FAM135A: variants seen among roughly 807,000 people sequenced by gnomAD.
The protein encoded by FAM135A is protein FAM135A.
A neutral mutation model predicts 146.8 loss-of-function variants in FAM135A; 79 were observed. The observed-to-expected ratio is 0.54, with a 90% CI of 0.45 to 0.65. The LOEUF is 0.65. Among genes scored for constraint, FAM135A ranks in the 30% least tolerant of loss-of-function variants. The probability of loss-of-function intolerance (pLI) is 0.00; values close to 1 mark genes in which losing one functional copy is unlikely to be tolerated. For missense variants in FAM135A, 1,623 were observed against 1,758.2 expected, an observed-to-expected ratio of 0.92 and a Z score of 1.38; for synonymous variants, 562 against 603.6, an observed-to-expected ratio of 0.93 and a Z score of 1.01.
rs547473640 is a variant in FAM135A at position 70,468,377 on chromosome 6, T to G, written c.158-7033T>G. Among the ~76,000 whole-genome samples, 58 of 152,312 alleles carry G rather than the reference T, an allele frequency of 3.8e-4. No homozygotes were observed. In the South Asian group the frequency reaches 0.011, roughly 28 times the overall value. ...TGGACAGTGCAAAAGTTACATAGGTTTTCTTATAGCTACCCTTATAAAAGA... is the reference window on the plus strand; with the variant it reads ...TGGACAGTGCAAAAGTTACATAGGTGTTCTTATAGCTACCCTTATAAAAGA... On this transcript the variant is annotated intron_variant, in intron 5 of 21. Coordinates refer to ENST00000418814, the MANE Select transcript of FAM135A (RefSeq NM_001162529.3).
At chr6:70,424,330 G>A (rs749240244) in intron 2 of FAM135A, among the ~76,000 whole-genome samples, 2 of 152,162 alleles carry the variant, frequency 1.3e-5, no homozygotes, top group Admixed American at 6.6e-5. Context: ...ATACTATTCC[G>A]TCAGAAACAT....
At chr6:70,492,812 A>G (rs910666197) in intron 11 of FAM135A, among the ~76,000 whole-genome samples, 6 of 152,054 alleles carry the variant, frequency 3.9e-5, no homozygotes, top group Admixed American at 6.5e-5. Context: ...TTGCAAGAAT[A>G]AAAGTGACTA....
chr6:70,514,656 A>G (rs938612086), intron 12 of FAM135A, among the ~76,000 whole-genome samples: 4 of 152,186 alleles, frequency 2.6e-5, no homozygotes, highest in African/African-American at 9.6e-5. Context: ...ACAAAAACCC[A>G]TGAACAGAAA....
At chr6:70,447,917 A>G (rs1337892265) in intron 4 of FAM135A, among the ~76,000 whole-genome samples, 2 of 152,182 alleles carry the variant, frequency 1.3e-5, no homozygotes, top group Admixed American at 6.5e-5. Flanking sequence ...GAGTAGCCTT[A>G]TGCAGATTAC....
intron 4 of FAM135A, among the ~76,000 whole-genome samples, chr6:70,431,991 GT>G (rs1771766810): frequency 6.6e-6 from 1 of 151,922 alleles, no homozygotes; most frequent in Admixed American, 6.6e-5. Flanking sequence ...GTAAAACAGT[GT>G]TACTCTTTAG....
intron 20 of FAM135A, among the ~76,000 whole-genome samples, chr6:70,550,234 T>TC (rs1295892293): frequency 6.6e-6 from 1 of 152,208 alleles, no homozygotes; most frequent in African/African-American, 2.4e-5. Context: ...CTCCCATGAA[T>TC]CATGAATGTT....
intron 9 of FAM135A, 32 bp from the exon 10 acceptor site, chr6:70,481,969 C>A (rs1282567692): frequency 6.4e-7 from 1 of 1,574,006 alleles, no homozygotes; most frequent in East Asian, 2.3e-5. Context: ...GTATTACTGA[C>A]ACTCTGTATC....
At chr6:70,438,582 GT>G (rs1209427087) in intron 4 of FAM135A, among the ~76,000 whole-genome samples, 1 of 152,144 alleles carries the variant, frequency 6.6e-6, no homozygotes, top group Admixed American at 6.5e-5. Context: ...CACAGTGCTT[GT>G]TTCAGGTAAC....
At chr6:70,501,208 A>G (rs1429292555) in intron 11 of FAM135A, among the ~76,000 whole-genome samples, 1 of 152,120 alleles carries the variant, frequency 6.6e-6, no homozygotes, top group Non-Finnish European at 1.5e-5. Flanking sequence ...GTGAGGAGGA[A>G]TCTAGAGAAG....
chr6:70,418,248 A>G (rs1319987468), intron 2 of FAM135A: 1 of 152,228 alleles, frequency 6.6e-6, no homozygotes, highest in Non-Finnish European at 1.5e-5. Flanking sequence ...ATTGTAGGGC[A>G]AAAGAAGGTC....
At chr6:70,528,258 C>A (rs41265355) in intron 15 of FAM135A, 34 bp from the exon 16 acceptor site, 193 of 1,566,626 alleles carry the variant, frequency 1.2e-4, no homozygotes, top group Non-Finnish European at 1.6e-4. Context: ...GAATATGATC[C>A]TTAGTAAAGA....
intron 2 of FAM135A, among the ~76,000 whole-genome samples, chr6:70,422,469 G>A (rs7759464): frequency 0.2 from 30,624 of 151,956 alleles, 3,371 homozygotes; most frequent in African/African-American, 0.29. Context: ...AAACAGATTT[G>A]TCAGCATCAT....
rs577948148 is a variant in FAM135A, at chr6:70,426,091, C to CA, written c.-133-347dup. ...GCAGTCCGCAGTCTGGCCTGGGCGA[C>CA]AGAGCGAGACTCCGTCTCAAAAAAA... On this transcript the variant is annotated intron_variant, in intron 2 of 21. Coordinates refer to ENST00000418814, the MANE Select transcript of FAM135A (RefSeq NM_001162529.3). 4.3e-3 allele frequency among the ~76,000 whole-genome samples: 623 copies of CA among 145,626 alleles called. 4 individuals carry two copies. The highest frequency in any genetic ancestry group is 6.2e-3 in the Non-Finnish European group (419 of 67,226).
At chr6:70,427,728 A>G (rs1430157513) in intron 3 of FAM135A, among the ~76,000 whole-genome samples, 2 of 152,130 alleles carry the variant, frequency 1.3e-5, no homozygotes, top group Non-Finnish European at 2.9e-5. Context: ...AATGTTTTCT[A>G]TTTGTGCTTG....
At chr6:70,471,047 C>CGGTA (rs1562478757) in intron 5 of FAM135A, among the ~76,000 whole-genome samples, 1 of 152,098 alleles carries the variant, frequency 6.6e-6, no homozygotes, top group African/African-American at 2.4e-5. Context: ...TTGGAAAATA[C>CGGTA]GGTATGATTG....
chr6:70,447,198 C>T (rs763174993), intron 4 of FAM135A, among the ~76,000 whole-genome samples: 10 of 152,280 alleles, frequency 6.6e-5, no homozygotes, highest in East Asian at 1.9e-4. Flanking sequence ...ACAGGTATGA[C>T]GTTTATCAGT....
intron 12 of FAM135A, among the ~76,000 whole-genome samples, chr6:70,510,770 T>TG (rs1211285182): frequency 6.6e-6 from 1 of 152,084 alleles, no homozygotes; most frequent in African/African-American, 2.4e-5. Flanking sequence ...TTTAGTTATT[T>TG]GGGGTATATA....
chr6:70,481,099 A>G, intron 9 of FAM135A, 72 bp downstream of exon 9: 1 of 1,312,362 alleles, frequency 7.6e-7, no homozygotes, highest in Admixed American at 2.7e-5. Flanking sequence ...TTATCTGTGA[A>G]TGTTATATTT....
At chr6:70,550,551 C>T (rs772859004) in intron 20 of FAM135A, among the ~76,000 whole-genome samples, 1 of 152,176 alleles carries the variant, frequency 6.6e-6, no homozygotes, top group Non-Finnish European at 1.5e-5. Flanking sequence ...TAGGTCTCAA[C>T]TGTGGGCTTA....
Sources: allele counts gnomAD v4.1 joint callset (sites outside exome capture counted in the v4.1 genomes callset), GRCh38; gene constraint gnomAD v4.1.1; transcripts MANE v1.5; gene names NCBI Gene and HGNC (gene_info 2026-07-23, HGNC 2026-07-21).